Variants in ZFAT observed in about 807,000 individuals in gnomAD.
ZFAT encodes zinc finger and AT-hook domain containing, also known as zinc finger protein ZFAT.
A neutral mutation model predicts 117.7 loss-of-function variants in ZFAT; 64 were observed. That is an observed-to-expected ratio of 0.54 (90% CI 0.44 to 0.67). ZFAT has a LOEUF of 0.67. Ranked by LOEUF, ZFAT falls within the 30% of genes least tolerant of loss-of-function variation. The pLI, the probability that ZFAT is intolerant of heterozygous loss-of-function variation, is 0.00. For missense variants in ZFAT, 1,433 were observed against 1,584.5 expected (o/e 0.90, Z 1.62); for synonymous variants, 679 against 615.0 (o/e 1.10, Z -1.54).
At chr8:134,820,338 T>A in the ZFAT span, among the ~76,000 whole-genome samples, 604 of 152,310 alleles carry the variant, frequency 4.0e-3, 5 homozygotes, top group African/African-American at 0.014. Context: ...TACTCTCCTT[T>A]TCCTCAACTC....
the ZFAT span, among the ~76,000 whole-genome samples, chr8:134,761,459 T>C: frequency 6.6e-6 from 1 of 151,572 alleles, no homozygotes; most frequent in Non-Finnish European, 1.5e-5. Context: ...TCCAGCACTT[T>C]GGGATGCTGA....
chr8:134,710,066 A>T (rs987886338), intron 1 of ZFAT, among the ~76,000 whole-genome samples: 1 of 152,228 alleles, frequency 6.6e-6, no homozygotes, highest in Non-Finnish European at 1.5e-5. Flanking sequence ...ACAGCTGGAA[A>T]TTGAAGGAAA....
the ZFAT span, among the ~76,000 whole-genome samples, chr8:134,817,427 ACACACACAC>A: frequency 3.3e-5 from 4 of 121,440 alleles, no homozygotes; most frequent in Admixed American, 8.3e-5. Flanking sequence ...ACACACACAC[ACACACACAC>A]AACGCACCCT....
chr8:134,645,617 T>C (rs1300063674), intron 2 of ZFAT, among the ~76,000 whole-genome samples: 8 of 152,166 alleles, frequency 5.3e-5, no homozygotes, highest in African/African-American at 1.7e-4. Flanking sequence ...CACCATAACA[T>C]GCAAATAACA....
intron 3 of ZFAT, among the ~76,000 whole-genome samples, chr8:134,635,863 C>T (rs963022752): frequency 1.3e-4 from 20 of 152,150 alleles, no homozygotes; most frequent in African/African-American, 4.6e-4. Flanking sequence ...AAACACGATG[C>T]AGATTCTTCT....
At chr8:134,592,555 T>C (rs768523387) in intron 7 of ZFAT, among the ~76,000 whole-genome samples, 37 of 152,264 alleles carry the variant, frequency 2.4e-4, no homozygotes, top group Non-Finnish European at 4.9e-4. Flanking sequence ...TAAAAAACAA[T>C]GCCTCCTTCA....
At chr8:134,578,420 A>G (rs1825473998) in intron 10 of ZFAT, among the ~76,000 whole-genome samples, 1 of 151,638 alleles carries the variant, frequency 6.6e-6, no homozygotes, top group Non-Finnish European at 1.5e-5. Flanking sequence ...TCAAAAAAAA[A>G]AAAAAAAAAA....
chr8:134,496,782 G>A (rs1021851377), intron 15 of ZFAT, among the ~76,000 whole-genome samples: 6 of 152,048 alleles, frequency 3.9e-5, no homozygotes, highest in African/African-American at 9.7e-5. Flanking sequence ...GAACTGTGAC[G>A]GGGTGAGGGA....
chr8:134,775,197 A>G, the ZFAT span, among the ~76,000 whole-genome samples: 1 of 152,154 alleles, frequency 6.6e-6, no homozygotes, highest in African/African-American at 2.4e-5. Context: ...GATAATACCA[A>G]TATATGAAGT....
At chr8:134,679,200 G>A (rs922222670) in intron 1 of ZFAT, among the ~76,000 whole-genome samples, 10 of 152,128 alleles carry the variant, frequency 6.6e-5, no homozygotes, top group South Asian at 2.1e-4. Context: ...CCGAAAAAGC[G>A]CTAATATCCA....
At chr8:134,720,647 C>T in the ZFAT span, among the ~76,000 whole-genome samples, 3 of 152,208 alleles carry the variant, frequency 2.0e-5, no homozygotes, top group African/African-American at 7.2e-5. Context: ...CGGGCCTGGC[C>T]GCAAGAGGGC....
chr8:134,477,892 TAGGGC>T lies in ZFAT; in HGVS notation c.*585_*589del. 1 of 153,006 alleles carries T rather than the reference TAGGGC, an allele frequency of 6.5e-6. No individual in the cohort carries two copies. Among genetic ancestry groups the T allele is most frequent in the Non-Finnish European group, 1.5e-5 (1 of 68,596 alleles). The allele number at this position is 153,006 out of a possible 1,614,324, so 9.5% of individuals were successfully genotyped here. On this transcript the variant is annotated 3_prime_UTR_variant, in exon 16 of 16. Transcript: ENST00000377838. ...TAAAAGTGAAATAATTCCAGGATGG[TAGGGC>T]GAGACCCTGTGATGGGTGAATTTAC... is the stretch of plus-strand genomic sequence containing the variant.
chr8:134,782,867 A>C, the ZFAT span, among the ~76,000 whole-genome samples: 2 of 152,100 alleles, frequency 1.3e-5, no homozygotes, highest in Non-Finnish European at 2.9e-5. Flanking sequence ...TCTCTTTTTA[A>C]GAAACAAAAA....
intron 11 of ZFAT, among the ~76,000 whole-genome samples, chr8:134,552,335 T>C (rs1021254848): frequency 7.2e-5 from 11 of 152,268 alleles, no homozygotes; most frequent in African/African-American, 2.7e-4. Context: ...TATTTGTACT[T>C]ATGTTTTTTC....
rs896569056 is a variant in ZFAT at position 134,520,205 on chromosome 8, A to G, written c.3234+678T>C. Reference sequence around the variant, plus strand: ...ATGGGGTTGGGGGGATGATGCTACTAGTAACTTAGTGGGAAGAGGCCAGAA... The same window carrying G: ...ATGGGGTTGGGGGGATGATGCTACTGGTAACTTAGTGGGAAGAGGCCAGAA... On this transcript the variant is annotated intron_variant, in intron 13 of 15. Transcript: ENST00000377838. Among the ~76,000 whole-genome samples the G allele has an allele frequency of 6.6e-5, 10 of 152,240 alleles. 2 individuals are homozygous for G. The highest frequency in any genetic ancestry group is 3.4e-3 in the Middle Eastern group (1 of 292).
chr8:134,811,719 T>C, the ZFAT span, among the ~76,000 whole-genome samples: 2 of 152,218 alleles, frequency 1.3e-5, no homozygotes, highest in Non-Finnish European at 2.9e-5. Context: ...GATAATCTGA[T>C]AGTCTACTGA....
chr8:134,794,012 A>T, the ZFAT span: 1 of 152,390 alleles, frequency 6.6e-6, no homozygotes, highest in African/African-American at 2.4e-5. Flanking sequence ...AAGGTTACAT[A>T]GTAAAGATAG....
chr8:134,601,936 C>A lies in ZFAT; in HGVS notation c.1783G>T (p.Asp595Tyr). The A allele has an allele frequency of 6.2e-7, 1 of 1,614,124 alleles. No homozygotes were observed. The highest frequency in any genetic ancestry group is 8.5e-7 in the Non-Finnish European group (1 of 1,180,010). ...SDLHSQEVVS[D>Y]DFLLKNDTSS... is the part of the protein sequence containing the mutation. ...GTATCATTTTTCAACAAAAAATCAT[C>A]TGAAACCACCTCTTGAGAATGCAGG... Residue 595 changes from aspartate (D) to tyrosine (Y), a missense_variant, in exon 6 of 16, where the codon GAT becomes TAT. Asp to Tyr is a radical substitution (Grantham distance 160, BLOSUM62 -3). Coordinates refer to ENST00000377838, the MANE Select transcript of ZFAT (RefSeq NM_020863.4).
Position 134,649,165 on chromosome 8 carries a change from T to TCTCACACACACACA in ZFAT, c.196+8395_196+8396insTGTGTGTGTGTGAG, listed in dbSNP as rs1554614264. On this transcript the variant is annotated intron_variant, in intron 2 of 15. Transcript: ENST00000377838. ...TAACCTAATGAAGAACATCTATCTC[T>TCTCACACACACACA]CACACACACACACACACACACACAC... 7.1e-3 allele frequency among the ~76,000 whole-genome samples: 544 copies of TCTCACACACACACA among 77,028 alleles called. 8 individuals carry two copies. The highest frequency in any genetic ancestry group is 0.02 in the African/African-American group (503 of 24,980). 50.5% of individuals were successfully genotyped at this position (77,028 alleles called of 152,430 possible). A position where few individuals can be genotyped will look rare whatever the true frequency, so the allele number is the denominator to read the frequency against.
Sources: gnomAD v4.1 joint callset for allele counts (sites outside exome capture counted in the v4.1 genomes callset) on GRCh38, gnomAD v4.1.1 for gene constraint, MANE v1.5 for transcripts, NCBI Gene and HGNC (gene_info 2026-07-23, HGNC 2026-07-21) for gene names.